The following PLEKHG3 variants were observed in gnomAD, a reference collection of about 807,000 sequenced individuals.
PLEKHG3 encodes the protein pleckstrin homology domain-containing family G member 3.
Under a neutral mutation model 94.9 loss-of-function variants are expected in PLEKHG3, and 62 were observed. That is an observed-to-expected ratio of 0.65 (90% CI 0.53 to 0.81). The LOEUF (loss-of-function observed/expected upper bound fraction) is 0.81, where lower values mean the gene tolerates loss of function less well. Ranked by LOEUF, PLEKHG3 falls within the 30% of genes least tolerant of loss-of-function variation. The pLI, the probability that PLEKHG3 is intolerant of heterozygous loss-of-function variation, is 0.00. For synonymous variants in PLEKHG3, 614 were observed against 654.0 expected, an observed-to-expected ratio of 0.94 and a Z score of 0.93; for missense variants, 1,461 against 1,619.3, an observed-to-expected ratio of 0.90 and a Z score of 1.68.
rs1264761188 is a variant in PLEKHG3 at position 64,743,336 on chromosome 14, G to A, written c.3293G>A (p.Cys1098Tyr). 1 of 1,607,484 alleles carries A rather than the reference G, an allele frequency of 6.2e-7. No individual in the cohort carries two copies. Among genetic ancestry groups the A allele is most frequent in the Non-Finnish European group, 8.5e-7 (1 of 1,177,564 alleles). The change falls in exon 17 of 17, where the codon TGC (cysteine) becomes TAC (tyrosine). Residue 1098 changes from cysteine to tyrosine, a missense_variant. Cys to Tyr is a radical substitution (Grantham distance 194). Around this residue, in one of 3 missense-constraint regions of PLEKHG3, gnomAD observed 1,201 missense variants for 1,295.5 expected, o/e 0.93. Coordinates refer to ENST00000247226, the MANE Select transcript of PLEKHG3 (RefSeq NM_001308147.2). The surrounding 1 kb of genome is among the most constrained non-coding windows in gnomAD (Gnocchi z 7.2). ...CCTCTGTCGGGCAGGGTGGGCCGCT[G>A]CCGCAGCCTGAGCACCAAGAGGGGC... ...EPPLSGRVGRCRSLSTKRGRG... is the reference protein window; with the variant it reads ...EPPLSGRVGRYRSLSTKRGRG...
In PLEKHG3 at chr14:64,716,587, C is replaced by T. The variant is rs1260250711; in HGVS notation, c.-39-11006C>T. On this transcript the variant is annotated intron_variant, in intron 1 of 16. Coordinates refer to ENST00000247226, the MANE Select transcript of PLEKHG3 (RefSeq NM_001308147.2). The surrounding 1 kb of genome is among the most constrained non-coding windows in gnomAD (Gnocchi z 5.0). ...AATCTCCCACTTCTTCCTGATGTTT[C>T]CTTTTCCCAGAATCCACAGAGGGTG... 6.7e-6 allele frequency among the ~76,000 whole-genome samples: 1 copy of T among 148,622 alleles called. No homozygotes were observed. The highest frequency in any genetic ancestry group is 2.1e-4 in the East Asian group (1 of 4,872).
In PLEKHG3 at chr14:64,749,912, GCCTCTGC is replaced by G; in HGVS notation, c.*6213_*6219del. On this transcript the variant is annotated 3_prime_UTR_variant, in exon 17 of 17. Coordinates refer to ENST00000247226, the MANE Select transcript of PLEKHG3 (RefSeq NM_001308147.2). This position sits in a 1 kb window ranked among gnomAD's most constrained non-coding sequence, Gnocchi z 4.7. ...GCCTGGCACTGGTCCCCTACAGAGG[GCCTCTGC>G]CCTGCCACTAATGCCAAATCAAGCC... is the stretch of plus-strand genomic sequence containing the variant. The G allele has an allele frequency of 3.8e-6, 6 of 1,598,778 alleles. No individual in the cohort carries two copies. The South Asian group carries it at 6.6e-5, about 18-fold the overall frequency.
chr14:64,730,612 C>T lies in PLEKHG3; in HGVS notation c.520-30C>T, dbSNP rs1175934741. ...TCTTTACTGTCAAATGAGAATCTCC[C>T]TGAAATCACTATTTTTGATCTCTTC... On this transcript the variant is annotated intron_variant, in intron 4 of 16. Coordinates refer to ENST00000247226, the MANE Select transcript of PLEKHG3 (RefSeq NM_001308147.2). This position sits in a 1 kb window ranked among gnomAD's most constrained non-coding sequence, Gnocchi z 5.4. 6.3e-7 allele frequency: 1 copy of T among 1,585,800 alleles called. No homozygotes were observed. The highest frequency in any genetic ancestry group is 1.3e-5 in the African/African-American group (1 of 74,326).
Position 64,742,007 on chromosome 14 carries a change from GGGGCCAGGCCA to G in PLEKHG3, c.2502_2512del (p.Gly835TrpfsTer3), listed in dbSNP as rs755994983. On this transcript the variant is annotated frameshift_variant, in exon 16 of 17. Transcript: ENST00000247226. LOFTEE classifies it high-confidence loss of function. Reference sequence around the variant, plus strand: ...AGTCTTCCGGAGGGAGCCCTGGGAAGGGGCCAGGCCAGGGCCAGGCCAATGGCTTTGACCTG... The same window carrying G: ...AGTCTTCCGGAGGGAGCCCTGGGAAGGGGCCAGGCCAATGGCTTTGACCTG... 15 of 1,572,352 alleles carry G rather than the reference GGGGCCAGGCCA, an allele frequency of 9.5e-6. No homozygotes were observed. The highest frequency in any genetic ancestry group is 1.3e-5 in the Non-Finnish European group (15 of 1,160,620).
rs1221478016 is a variant in PLEKHG3 at position 64,725,985 on chromosome 14, G to A, written c.-39-1608G>A. Among the ~76,000 whole-genome samples the A allele has an allele frequency of 2.6e-5, 4 of 152,220 alleles. No individual in the cohort carries two copies. Among genetic ancestry groups the A allele is most frequent in the Non-Finnish European group, 5.9e-5 (4 of 68,046 alleles). On this transcript the variant is annotated intron_variant, in intron 1 of 16. Transcript: ENST00000247226. This position sits in a 1 kb window ranked among gnomAD's most constrained non-coding sequence, Gnocchi z 5.0. ...ACTAGTCACACTGTCTCAGGCCAGT[G>A]CTACAGTAGGAGAAACCTGGGAGGT...
chr14:64,729,119 C>T, intron 3 of PLEKHG3, 26 bp downstream of exon 3: 2 of 1,094,884 alleles, frequency 1.8e-6, no homozygotes, highest in Non-Finnish European at 2.7e-6. Context: ...TGACACTCAC[C>T]ATGTTCTGCC....
At position 64,730,123 on chromosome 14, in the gene PLEKHG3, G is replaced by A; in HGVS notation, c.450-120G>A. The A allele has an allele frequency of 1.6e-6, 1 of 630,458 alleles. No homozygotes were observed. Among genetic ancestry groups the A allele is most frequent in the Non-Finnish European group, 2.8e-6 (1 of 351,908 alleles). The allele number at this position is 630,458 out of a possible 1,614,324, so 39.1% of individuals were successfully genotyped here. ...ACTCCCTCTGAGGCTAGAAGCCCCA[G>A]TTCTTTAGCAAAGCAATAGGGCTGG... is the stretch of plus-strand genomic sequence containing the variant. On this transcript the variant is annotated intron_variant, in intron 3 of 16. Transcript: ENST00000247226. This position sits in a 1 kb window ranked among gnomAD's most constrained non-coding sequence, Gnocchi z 5.4.
chr14:64,730,905 C>T lies in PLEKHG3; in HGVS notation c.673C>T (p.Leu225=), dbSNP rs57369368. The change falls in exon 6 of 17, where the codon CTG becomes TTG. Residue 225 remains leucine, a synonymous_variant. Transcript: ENST00000247226. This position sits in a 1 kb window ranked among gnomAD's most constrained non-coding sequence, Gnocchi z 5.4. ...QHSLPLGSYL[L]KPVQRILKYH... ...CTCGCTGCCCTTGGGCTCCTACCTGCTGAAGCCAGTCCAGCGCATCCTCAA... is the reference window on the plus strand; with the variant it reads ...CTCGCTGCCCTTGGGCTCCTACCTGTTGAAGCCAGTCCAGCGCATCCTCAA... 4.3e-6 allele frequency: 7 copies of T among 1,613,174 alleles called. No homozygotes were observed. The Admixed American group carries it at 1.0e-4, about 23-fold the overall frequency.
In PLEKHG3 at chr14:64,716,494, ACAACACAC is replaced by A. The variant is rs1423842499; in HGVS notation, c.-39-11098_-39-11091del. ...ACACACACACACAACACACACACAC[ACAACACAC>A]ACACACACACACACACACACACACA... On this transcript the variant is annotated intron_variant, in intron 1 of 16. Coordinates refer to ENST00000247226, the MANE Select transcript of PLEKHG3 (RefSeq NM_001308147.2). This position sits in a 1 kb window ranked among gnomAD's most constrained non-coding sequence, Gnocchi z 5.0. 9.6e-5 allele frequency among the ~76,000 whole-genome samples: 8 copies of A among 83,208 alleles called. No homozygotes were observed. The highest frequency in any genetic ancestry group is 7.4e-4 in the East Asian group (1 of 1,356). The allele number at this position is 83,208 out of a possible 152,430, so 54.6% of individuals were successfully genotyped here. A position where few individuals can be genotyped will look rare whatever the true frequency, so the allele number is the denominator to read the frequency against.
intron 16 of PLEKHG3, 83 bp downstream of exon 16, chr14:64,742,538 A>G (rs977127448): frequency 1.9e-6 from 2 of 1,038,982 alleles, no homozygotes; most frequent in Non-Finnish European, 2.7e-6. Flanking sequence ...CCTCGGGGAA[A>G]GTGACCTCTA....
At position 64,725,423 on chromosome 14, in the gene PLEKHG3, G is replaced by GTCC. The variant is rs2081332867; in HGVS notation, c.-39-2170_-39-2169insTCC. The stretch of plus-strand genomic sequence containing the variant: ...GTGCCTGACTGCAGTGCACTTTGAA[G>GTCC]GACATCAGAGTGCCACAGGGCTGGG... On this transcript the variant is annotated intron_variant, in intron 1 of 16. Transcript: ENST00000247226. This position sits in a 1 kb window ranked among gnomAD's most constrained non-coding sequence, Gnocchi z 5.0. 6.6e-6 allele frequency among the ~76,000 whole-genome samples: 1 copy of GTCC among 152,332 alleles called. No homozygotes were observed. The highest frequency in any genetic ancestry group is 2.4e-5 in the African/African-American group (1 of 41,582).
At chr14:64,737,828 G>A (rs779393589) in intron 14 of PLEKHG3, 2 of 1,117,358 alleles carry the variant, frequency 1.8e-6, no homozygotes, top group Admixed American at 4.4e-5. Flanking sequence ...TTGCCCAAGA[G>A]GCTGGTCACG....
chr14:64,710,024 A>T (rs1185153553), intron 1 of PLEKHG3, among the ~76,000 whole-genome samples: 1 of 152,204 alleles, frequency 6.6e-6, no homozygotes, highest in Non-Finnish European at 1.5e-5. Flanking sequence ...GAAGCCCTGT[A>T]TTCCTGCAGC....
chr14:64,717,885 C>A lies in PLEKHG3; in HGVS notation c.-39-9708C>A, dbSNP rs1404214606. Among the ~76,000 whole-genome samples the A allele has an allele frequency of 6.6e-6, 1 of 152,238 alleles. No individual in the cohort carries two copies. The highest frequency in any genetic ancestry group is 1.5e-5 in the Non-Finnish European group (1 of 68,048). On this transcript the variant is annotated intron_variant, in intron 1 of 16. Coordinates refer to ENST00000247226, the MANE Select transcript of PLEKHG3 (RefSeq NM_001308147.2). This position sits in a 1 kb window ranked among gnomAD's most constrained non-coding sequence, Gnocchi z 4.7. ...ACCTCGTCTCATGGAGCCCCATTTC[C>A]ACGTGTCTTGGTAGTTGTTCTTCCA...
At position 64,739,050 on chromosome 14, in the gene PLEKHG3, C is replaced by T. The variant is rs1351333795; in HGVS notation, c.1518+195C>T. ...ATATGGTTTGGTGAGCAGACCACCC[C>T]TTTCTATGAAGTAGAGAAAGGCTCC... On this transcript the variant is annotated intron_variant, in intron 15 of 16. Transcript: ENST00000247226. This position sits in a 1 kb window ranked among gnomAD's most constrained non-coding sequence, Gnocchi z 4.1. Among the ~76,000 whole-genome samples the T allele has an allele frequency of 6.6e-6, 1 of 152,196 alleles. No homozygotes were observed. Among genetic ancestry groups the T allele is most frequent in the Non-Finnish European group, 1.5e-5 (1 of 68,034 alleles).
At position 64,743,481 on chromosome 14, in the gene PLEKHG3, C is replaced by T. The variant is rs2081764061; in HGVS notation, c.3438C>T (p.Val1146=). The part of the protein sequence containing the change: ...LTLEDNRRVI[V]MEKGPLPSPT... The stretch of plus-strand genomic sequence containing the variant: ...TGGAGGACAACCGGCGGGTGATTGT[C>T]ATGGAGAAGGGACCCCTTCCCAGCC... Residue 1146 remains valine, a synonymous_variant, in exon 17 of 17, where the codon GTC becomes GTT. Transcript: ENST00000247226. The surrounding 1 kb of genome is among the most constrained non-coding windows in gnomAD (Gnocchi z 7.2). The T allele has an allele frequency of 6.2e-7, 1 of 1,613,058 alleles. No individual in the cohort carries two copies. Among genetic ancestry groups the T allele is most frequent in the Non-Finnish European group, 8.5e-7 (1 of 1,180,032 alleles).
At position 64,748,468 on chromosome 14, in the gene PLEKHG3, C is replaced by G. The variant is rs2081883876; in HGVS notation, c.*4765C>G. 6.6e-6 allele frequency: 1 copy of G among 152,348 alleles called. No individual in the cohort carries two copies. The highest frequency in any genetic ancestry group is 2.1e-4 in the South Asian group (1 of 4,838). The allele number at this position is 152,348 out of a possible 1,614,324, so 9.4% of individuals were successfully genotyped here. A position where few individuals can be genotyped will look rare whatever the true frequency, so the allele number is the denominator to read the frequency against. ...TGACGCACCTGTCACTCCTTCAGAT[C>G]AGAGCCCTGTGCCCTAGCCACGGTT... On this transcript the variant is annotated 3_prime_UTR_variant, in exon 17 of 17. Transcript: ENST00000247226.
Position 64,749,798 on chromosome 14 carries a change from C to G in PLEKHG3, c.*6095C>G. On this transcript the variant is annotated 3_prime_UTR_variant, in exon 17 of 17. Transcript: ENST00000247226. The surrounding 1 kb of genome is among the most constrained non-coding windows in gnomAD (Gnocchi z 4.7). ...CAATACCCTGAGCCGAACATCCAGA[C>G]CCCTCTCAGGCAGCCCAGCACTTTC... 8 of 1,522,920 alleles carry G rather than the reference C, an allele frequency of 5.3e-6. No individual in the cohort carries two copies. Among genetic ancestry groups the G allele is most frequent in the Non-Finnish European group, 7.2e-6 (8 of 1,112,096 alleles). The allele number at this position is 1,522,920 out of a possible 1,614,324, so 94.3% of individuals were successfully genotyped here.
rs747357840 is a variant in PLEKHG3 at position 64,722,311 on chromosome 14, C to T, written c.-39-5282C>T. Among the ~76,000 whole-genome samples the T allele has an allele frequency of 6.6e-6, 1 of 152,112 alleles. No individual in the cohort carries two copies. On this transcript the variant is annotated intron_variant, in intron 1 of 16. Transcript: ENST00000247226. The surrounding 1 kb of genome is among the most constrained non-coding windows in gnomAD (Gnocchi z 4.3). ...CTCACTGCAACCTCCTGGGTTCAAG[C>T]AATTCTCCTGCCTCAGCCTCGCGAG...
Sources: gnomAD v4.1 joint callset for allele counts (sites outside exome capture counted in the v4.1 genomes callset) on GRCh38, gnomAD v4.1.1 for gene constraint, gnomAD v4.1.1 regional missense constraint, Gnocchi (gnomAD v3.1) non-coding constraint, MANE v1.5 for transcripts, NCBI Gene and HGNC (gene_info 2026-07-23, HGNC 2026-07-21) for gene names.